GABRR1: variants seen among roughly 807,000 people sequenced by gnomAD.
The protein encoded by GABRR1 is gamma-aminobutyric acid type A receptor subunit rho1.
Under a neutral mutation model 55.5 loss-of-function variants are expected in GABRR1, and 59 were observed. The ratio of observed to expected loss-of-function variants is 1.06; its 90% CI spans 0.86 to 1.32. The LOEUF (loss-of-function observed/expected upper bound fraction) is 1.32. GABRR1 is among the 40% of genes most tolerant of loss of function. GABRR1 has a pLI of 0.00. For missense variants in GABRR1, 602 were observed against 619.1 expected, an observed-to-expected ratio of 0.97 and a Z score of 0.29; for synonymous variants, 213 against 226.0, an observed-to-expected ratio of 0.94 and a Z score of 0.51.
In GABRR1 at chr6:89,177,581, T is replaced by A. The variant is rs1771582909; in HGVS notation, c.*1189A>T. The A allele has an allele frequency of 6.6e-6, 1 of 152,262 alleles. No individual in the cohort carries two copies. Among genetic ancestry groups the A allele is most frequent in the Admixed American group, 6.5e-5 (1 of 15,286 alleles). The allele number at this position is 152,262 out of a possible 1,614,324, so 9.4% of individuals were successfully genotyped here. The stretch of plus-strand genomic sequence containing the variant: ...TTTGGGTAAGTTTGGTGGAGGTTGA[T>A]CTATATAGCAGATATATAATATAAA... On this transcript the variant is annotated 3_prime_UTR_variant, in exon 10 of 10. Transcript: ENST00000454853.
chr6:89,192,874 A>G (rs566877464), intron 5 of GABRR1, among the ~76,000 whole-genome samples: 1 of 152,082 alleles, frequency 6.6e-6, no homozygotes, highest in Admixed American at 6.5e-5. Flanking sequence ...TGACTCTTTT[A>G]TATCTTCAAG....
At chr6:89,196,281 C>T (rs190517151) in intron 5 of GABRR1, among the ~76,000 whole-genome samples, 6 of 152,242 alleles carry the variant, frequency 3.9e-5, no homozygotes, top group Admixed American at 2.0e-4. Context: ...ATTATACGTC[C>T]TTTATGTCAG....
At chr6:89,217,090 C>A in intron 1 of GABRR1, 111 bp downstream of exon 1, 1 of 1,175,114 alleles carries the variant, frequency 8.5e-7, no homozygotes, top group South Asian at 1.7e-5. Flanking sequence ...AAAAAGGCAT[C>A]CACACAAAAC....
chr6:89,231,058 G>A (rs528402992), intron 1 of GABRR1, among the ~76,000 whole-genome samples: 36 of 151,758 alleles, frequency 2.4e-4, no homozygotes, highest in Admixed American at 3.9e-4. Context: ...TCTTTGACTC[G>A]GAAAGGGAAC....
intron 1 of GABRR1, among the ~76,000 whole-genome samples, chr6:89,207,182 T>A (rs1244888472): frequency 6.6e-6 from 1 of 152,116 alleles, no homozygotes; most frequent in Non-Finnish European, 1.5e-5. Flanking sequence ...GAAGCAAGAT[T>A]AAATTTTTTT....
At chr6:89,192,995 G>T (rs556321199) in intron 5 of GABRR1, among the ~76,000 whole-genome samples, 5 of 152,272 alleles carry the variant, frequency 3.3e-5, no homozygotes, top group African/African-American at 1.2e-4. Context: ...ATTGTATGCT[G>T]GTGCCTAGGA....
intron 1 of GABRR1, among the ~76,000 whole-genome samples, chr6:89,211,367 T>C (rs886099427): frequency 7.9e-5 from 12 of 152,160 alleles, no homozygotes; most frequent in Non-Finnish European, 1.5e-4. Flanking sequence ...CCTCCTACCC[T>C]AAAACTCTCC....
chr6:89,181,740 C>A (rs1023362238), intron 8 of GABRR1, among the ~76,000 whole-genome samples, 165 bp downstream of exon 8: 2 of 152,078 alleles, frequency 1.3e-5, no homozygotes, highest in Non-Finnish European at 2.9e-5. Context: ...TACATAGATT[C>A]CTAATTACAG....
At chr6:89,206,017 C>T (rs905751864) in intron 1 of GABRR1, among the ~76,000 whole-genome samples, 1 of 151,724 alleles carries the variant, frequency 6.6e-6, no homozygotes, top group Non-Finnish European at 1.5e-5. Context: ...CCACGAAAGG[C>T]CAACTGGGGC....
chr6:89,220,264 C>T (rs917434498), upstream of GABRR1, among the ~76,000 whole-genome samples: 13 of 152,198 alleles, frequency 8.5e-5, no homozygotes, highest in Non-Finnish European at 1.5e-5. Context: ...GCCTCAAACA[C>T]GCATTTCCTA....
chr6:89,191,223 T>C (rs779863952), intron 5 of GABRR1, among the ~76,000 whole-genome samples: 1 of 152,196 alleles, frequency 6.6e-6, no homozygotes, highest in Non-Finnish European at 1.5e-5. Context: ...GCATTTTTGA[T>C]TGCCAGCAGC....
At chr6:89,207,686 A>G (rs1322303001) in intron 1 of GABRR1, among the ~76,000 whole-genome samples, 2 of 152,222 alleles carry the variant, frequency 1.3e-5, no homozygotes, top group African/African-American at 2.4e-5. Context: ...ACACATTGGA[A>G]TCACCCGAGG....
At chr6:89,211,730 C>T (rs934234583) in intron 1 of GABRR1, among the ~76,000 whole-genome samples, 2 of 152,140 alleles carry the variant, frequency 1.3e-5, no homozygotes, top group Non-Finnish European at 2.9e-5. Context: ...GTAGTGCCTG[C>T]CCTGTAATAA....
At chr6:89,223,822 G>A (rs1773152144) in intron 1 of GABRR1, among the ~76,000 whole-genome samples, 1 of 150,318 alleles carries the variant, frequency 6.7e-6, no homozygotes, top group Admixed American at 6.6e-5. Flanking sequence ...GGAGTGCAAT[G>A]GCACCATCTT....
upstream of GABRR1, among the ~76,000 whole-genome samples, chr6:89,218,682 C>G (rs913763427): frequency 2.0e-5 from 3 of 152,130 alleles, no homozygotes; most frequent in Non-Finnish European, 4.4e-5. Flanking sequence ...CTTGAATGCC[C>G]TATTTGAGAA....
chr6:89,201,743 C>A (rs1772479686), intron 2 of GABRR1, among the ~76,000 whole-genome samples: 2 of 149,402 alleles, frequency 1.3e-5, no homozygotes, highest in African/African-American at 2.5e-5. Context: ...TGCACCACTG[C>A]ACTCCAGCCT....
intron 2 of GABRR1, among the ~76,000 whole-genome samples, chr6:89,202,251 G>A (rs368671924): frequency 3.3e-5 from 5 of 152,056 alleles, no homozygotes; most frequent in Non-Finnish European, 7.4e-5. Context: ...GCCTCCACCC[G>A]CTCCTAGCCC....
At chr6:89,220,909 G>A (rs1339590676), upstream of GABRR1, among the ~76,000 whole-genome samples, 3 of 151,980 alleles carry the variant, frequency 2.0e-5, no homozygotes, top group East Asian at 5.8e-4. Flanking sequence ...TAGTAGAGAC[G>A]GGGTTTCTCC....
intron 1 of GABRR1, among the ~76,000 whole-genome samples, chr6:89,212,853 A>T (rs1349704230): frequency 3.3e-5 from 5 of 152,038 alleles, no homozygotes; most frequent in African/African-American, 7.3e-5. Flanking sequence ...TGTACTGTTT[A>T]TAGAAACAGG....
Sources: gnomAD v4.1 joint callset for allele counts (sites outside exome capture counted in the v4.1 genomes callset) on GRCh38, gnomAD v4.1.1 for gene constraint, MANE v1.5 for transcripts, NCBI Gene and HGNC (gene_info 2026-07-23, HGNC 2026-07-21) for gene names.